GPLD1: variants seen among roughly 807,000 people sequenced by gnomAD.
GPLD1 encodes the protein glycosylphosphatidylinositol specific phospholipase D1.
A neutral mutation model predicts 112.6 loss-of-function variants in GPLD1; 84 were observed. The observed-to-expected ratio is 0.75, with a 90% CI of 0.63 to 0.89. The LOEUF (loss-of-function observed/expected upper bound fraction) is 0.89, where lower values mean the gene tolerates loss of function less well. Among genes scored for constraint, GPLD1 ranks in the 40% least tolerant of loss-of-function variants. The pLI is 0.00. For synonymous variants in GPLD1, 386 were observed against 403.8 expected (o/e 0.96, Z 0.53); for missense variants, 1,044 against 1,051.5 (o/e 0.99, Z 0.10).
At chr6:24,481,634 C>T (rs570575519) in intron 2 of GPLD1, among the ~76,000 whole-genome samples, 4 of 152,212 alleles carry the variant, frequency 2.6e-5, no homozygotes, top group Non-Finnish European at 2.9e-5. Flanking sequence ...AAGCTAGTTC[C>T]GTTCACACCT....
intron 4 of GPLD1, among the ~76,000 whole-genome samples, chr6:24,475,893 CA>C (rs1421530118): frequency 6.6e-6 from 1 of 151,982 alleles, no homozygotes; most frequent in Non-Finnish European, 1.5e-5. Flanking sequence ...CACACACACA[CA>C]CACACAAAAC....
chr6:24,430,405 G>A (rs1388226914), intron 24 of GPLD1, among the ~76,000 whole-genome samples: 1 of 152,120 alleles, frequency 6.6e-6, no homozygotes, highest in Non-Finnish European at 1.5e-5. Flanking sequence ...GGATGGTCTT[G>A]TGGGCCTGCT....
At chr6:24,442,735 C>T (rs1285513051) in intron 20 of GPLD1, among the ~76,000 whole-genome samples, 2 of 148,618 alleles carry the variant, frequency 1.3e-5, no homozygotes, top group East Asian at 2.3e-4. Context: ...TGAGCCACTG[C>T]GCCTGGCCCA....
chr6:24,444,543 A>G (rs1762847676), intron 20 of GPLD1, among the ~76,000 whole-genome samples: 1 of 151,944 alleles, frequency 6.6e-6, no homozygotes, highest in South Asian at 2.1e-4. Flanking sequence ...AAACAAAATA[A>G]TGGTTTATAT....
chr6:24,451,416 G>A (rs116306515), intron 14 of GPLD1, among the ~76,000 whole-genome samples: 3,984 of 152,210 alleles, frequency 0.026, 58 homozygotes, highest in South Asian at 0.051. Flanking sequence ...TTGGCTCACC[G>A]CAACCTCCGC....
At chr6:24,477,763 GT>G (rs1348988363) in intron 3 of GPLD1, among the ~76,000 whole-genome samples, 1 of 151,870 alleles carries the variant, frequency 6.6e-6, no homozygotes, top group African/African-American at 2.4e-5. Context: ...AAAAAAAGGT[GT>G]TTTTTCTTTG....
intron 22 of GPLD1, among the ~76,000 whole-genome samples, chr6:24,434,044 T>C (rs754073572): frequency 6.6e-6 from 1 of 152,160 alleles, no homozygotes; most frequent in Non-Finnish European, 1.5e-5. Flanking sequence ...AATATCATAT[T>C]ATATAAGAAT....
At chr6:24,437,365 A>C in intron 20 of GPLD1, 76 bp from the exon 21 acceptor site, 7 of 1,328,118 alleles carry the variant, frequency 5.3e-6, no homozygotes, top group Non-Finnish European at 7.4e-6. Flanking sequence ...CCCCATCCTC[A>C]AGTGACACTG....
chr6:24,479,725 T>C (rs1561856420), intron 3 of GPLD1, among the ~76,000 whole-genome samples, 156 bp downstream of exon 3: 1 of 152,196 alleles, frequency 6.6e-6, no homozygotes, highest in Non-Finnish European at 1.5e-5. Flanking sequence ...TAACCAACAA[T>C]ATTGTTGGGA....
chr6:24,494,559 A>G (rs1336305366), upstream of GPLD1, among the ~76,000 whole-genome samples: 1 of 152,158 alleles, frequency 6.6e-6, no homozygotes, highest in Non-Finnish European at 1.5e-5. Context: ...CAGCGCATCT[A>G]TGGACCGCGC....
intron 18 of GPLD1, among the ~76,000 whole-genome samples, chr6:24,446,317 A>AAAAACCCATCCCTAT (rs1354919428): frequency 6.0e-5 from 9 of 149,748 alleles, no homozygotes; most frequent in African/African-American, 2.2e-4. Flanking sequence ...GCAACACTGC[A>AAAAACCCATCCCTAT]AAAACCCATC....
intron 10 of GPLD1, among the ~76,000 whole-genome samples, chr6:24,465,064 G>T (rs1387928792): frequency 6.6e-6 from 1 of 151,958 alleles, no homozygotes; most frequent in African/African-American, 2.4e-5. Context: ...AGGTGTAGTG[G>T]TGAGTACCTG....
chr6:24,479,413 G>A (rs956869289), intron 3 of GPLD1, among the ~76,000 whole-genome samples: 17 of 152,166 alleles, frequency 1.1e-4, no homozygotes, highest in Non-Finnish European at 1.5e-4. Context: ...AATAGTATCT[G>A]CGATTTGCAT....
At chr6:24,433,314 G>A in intron 23 of GPLD1, 49 bp downstream of exon 23, 3 of 1,574,756 alleles carry the variant, frequency 1.9e-6, no homozygotes, top group East Asian at 2.2e-5. Flanking sequence ...AAACCAAGGG[G>A]CATTGTTTTG....
intron 12 of GPLD1, among the ~76,000 whole-genome samples, chr6:24,458,018 T>C (rs1304099599): frequency 6.6e-6 from 1 of 151,772 alleles, no homozygotes; most frequent in African/African-American, 2.4e-5. Context: ...CAGCTTGGGA[T>C]GCTGAATCGT....
At chr6:24,441,359 C>T (rs963077839) in intron 20 of GPLD1, among the ~76,000 whole-genome samples, 6 of 151,794 alleles carry the variant, frequency 4.0e-5, no homozygotes, top group African/African-American at 1.5e-4. Flanking sequence ...TAATCTGTGC[C>T]TTATAGCTGT....
At chr6:24,438,791 C>T (rs793670) in intron 20 of GPLD1, among the ~76,000 whole-genome samples, 66,363 of 150,368 alleles carry the variant, frequency 0.44, 16,771 homozygotes, top group Middle Eastern at 0.6. Flanking sequence ...ATTCCTTTTT[C>T]TTTTTTTATT....
chr6:24,470,711 G>C (rs1371032061), intron 7 of GPLD1, among the ~76,000 whole-genome samples: 1 of 152,120 alleles, frequency 6.6e-6, no homozygotes, highest in African/African-American at 2.4e-5. Flanking sequence ...TGATTCTCCT[G>C]CCTCAGCCTC....
chr6:24,444,903 T>G (rs793715), intron 20 of GPLD1, among the ~76,000 whole-genome samples: 1 of 152,100 alleles, frequency 6.6e-6, no homozygotes, highest in Non-Finnish European at 1.5e-5. Flanking sequence ...GTGAACTGAC[T>G]TATACAATTT....
Sources: allele counts gnomAD v4.1 joint callset (sites outside exome capture counted in the v4.1 genomes callset), GRCh38; gene constraint gnomAD v4.1.1; transcripts MANE v1.5; gene names NCBI Gene and HGNC (gene_info 2026-07-23, HGNC 2026-07-21).